TET3: variants seen among roughly 807,000 people sequenced by gnomAD.
TET3 encodes tet methylcytosine dioxygenase 3, also known as methylcytosine dioxygenase TET3.
A neutral mutation model predicts 141.4 loss-of-function variants in TET3; 19 were observed. The observed-to-expected ratio is 0.13, with a 90% CI of 0.09 to 0.20. The LOEUF is 0.20. TET3 is among the 10% of genes least tolerant of loss of function. The probability of loss-of-function intolerance (pLI) is 1.00; values close to 1 mark genes in which losing one functional copy is unlikely to be tolerated. For missense variants in TET3, 1,874 were observed against 2,356.9 expected (o/e 0.80, Z 4.24); for synonymous variants, 1,043 against 980.9 (o/e 1.06, Z -1.18).
At chr2:73,995,630 T>C (rs540762952) in intron 2 of TET3, among the ~76,000 whole-genome samples, 1 of 152,326 alleles carries the variant, frequency 6.6e-6, no homozygotes, top group Non-Finnish European at 1.5e-5. Context: ...TTCAAATGCT[T>C]ATTAGCCACA....
At chr2:74,123,800 G>A in the TET3 span, among the ~76,000 whole-genome samples, 52 of 151,024 alleles carry the variant, frequency 3.4e-4, 1 homozygote, top group South Asian at 7.6e-3. Flanking sequence ...CCGCCATCCC[G>A]TCTAGGAAGT....
intron 2 of TET3, among the ~76,000 whole-genome samples, chr2:73,992,470 C>T (rs1054049580): frequency 2.6e-5 from 4 of 151,982 alleles, no homozygotes; most frequent in African/African-American, 4.8e-5. Flanking sequence ...TGTGCCATCA[C>T]GCCTGGCTAA....
At chr2:74,108,653 T>TGGA (rs1008437896), downstream of TET3, among the ~76,000 whole-genome samples, 2 of 152,228 alleles carry the variant, frequency 1.3e-5, no homozygotes, top group Non-Finnish European at 2.9e-5. Context: ...ATCCCATGCC[T>TGGA]GGAGCTACCT....
rs1278594969 is a variant in TET3, at chr2:74,047,831, G to A, written c.1914G>A (p.Gln638=). Residue 638 remains glutamine (Q), a synonymous_variant, in exon 4 of 12, where the codon CAG becomes CAA. Coordinates refer to ENST00000409262, the MANE Select transcript of TET3 (RefSeq NM_001287491.2). ...VLEGLRSPAS[Q]EVQAHPPAPL... is the part of the protein sequence containing the mutation. The stretch of plus-strand genomic sequence containing the variant: ...AAGGGCTTAGGTCCCCAGCCTCCCA[G>A]GAAGTGCAGGCTCATCCACCGGCCC... 1 of 1,613,122 alleles carries A rather than the reference G, an allele frequency of 6.2e-7. No individual in the cohort carries two copies. Among genetic ancestry groups the A allele is most frequent in the Non-Finnish European group, 8.5e-7 (1 of 1,179,522 alleles).
chr2:74,071,718 C>T (rs1689213163), intron 4 of TET3, among the ~76,000 whole-genome samples: 1 of 152,166 alleles, frequency 6.6e-6, no homozygotes. Flanking sequence ...ATTGTCATGT[C>T]TTCTTAGATA....
At chr2:74,005,323 G>A (rs1685097926) in intron 3 of TET3, among the ~76,000 whole-genome samples, 1 of 152,190 alleles carries the variant, frequency 6.6e-6, no homozygotes. Flanking sequence ...GGCCTGAGCT[G>A]GCTGAGTTTT....
intron 4 of TET3, among the ~76,000 whole-genome samples, chr2:74,059,848 T>G (rs1688409113): frequency 6.6e-6 from 1 of 152,184 alleles, no homozygotes; most frequent in South Asian, 2.1e-4. Context: ...GTATGTACAT[T>G]TGTTATCTGC....
In TET3 at chr2:74,100,667, C is replaced by T. The variant is rs565150530; in HGVS notation, c.3879C>T (p.Asn1293=). The change falls in exon 12 of 12, where the codon AAC becomes AAT. Residue 1293 remains asparagine, a synonymous_variant. Coordinates refer to ENST00000409262, the MANE Select transcript of TET3 (RefSeq NM_001287491.2). ...SFSYYGFPSS[N]PVFPSQFLGP... ...GCTACTATGGCTTTCCATCCAGCAACCCCGTCTTCCCCTCTCAGTTCCTGG... is the reference window on the plus strand; with the variant it reads ...GCTACTATGGCTTTCCATCCAGCAATCCCGTCTTCCCCTCTCAGTTCCTGG... 19 of 1,614,080 alleles carry T rather than the reference C, an allele frequency of 1.2e-5. No individual in the cohort carries two copies. The South Asian group carries it at 2.1e-4, about 18-fold the overall frequency.
rs755005685 is a variant in TET3 at position 74,087,820 on chromosome 2, G to A, written c.2680-10G>A. 83 of 1,544,234 alleles carry A rather than the reference G, an allele frequency of 5.4e-5. 1 individual carries two copies. The highest frequency in any genetic ancestry group is 3.4e-4 in the Middle Eastern group (2 of 5,908). On this transcript the variant is annotated splice_polypyrimidine_tract_variant and intron_variant, in intron 6 of 11. Transcript: ENST00000409262. This position sits in a 1 kb window ranked among gnomAD's most constrained non-coding sequence, Gnocchi z 4.3. ...CTGGCTCCTGCCCCTCACACCCTGC[G>A]TCCCTGCAGGTGATCCGCAGGCACA... is the stretch of plus-strand genomic sequence containing the variant.
chr2:74,133,102 C>G, the TET3 span, among the ~76,000 whole-genome samples: 1 of 134,184 alleles, frequency 7.5e-6, no homozygotes, highest in Non-Finnish European at 1.6e-5. Context: ...TTAGTTGAGA[C>G]AAGGTTTCAC....
In TET3 at chr2:73,986,621, C is replaced by T; in HGVS notation, c.218C>T (p.Thr73Ile). 1 of 1,232,156 alleles carries T rather than the reference C, an allele frequency of 8.1e-7. No homozygotes were observed. The highest frequency in any genetic ancestry group is 3.2e-5 in the East Asian group (1 of 31,708). 76.3% of individuals were successfully genotyped at this position (1,232,156 alleles called of 1,614,324 possible). A position where few individuals can be genotyped will look rare whatever the true frequency, so the allele number is the denominator to read the frequency against. ...CRRLENCGAC[T>I]SCTNRRTHQI... ...CGGCTGGAAAACTGTGGCGCTTGCACTAGCTGTACCAACCGCCGCACGCAC... is the reference window on the plus strand; with the variant it reads ...CGGCTGGAAAACTGTGGCGCTTGCATTAGCTGTACCAACCGCCGCACGCAC... Residue 73 changes from threonine to isoleucine, a missense_variant, in exon 2 of 12, where the codon ACT becomes ATT. Coordinates refer to ENST00000409262, the MANE Select transcript of TET3 (RefSeq NM_001287491.2).
rs766513966 is a variant in TET3, at chr2:74,081,734, C to T, written c.2679+1143C>T. 2.6e-4 allele frequency among the ~76,000 whole-genome samples: 40 copies of T among 152,282 alleles called. 1 individual carries two copies. Among genetic ancestry groups the T allele is most frequent in the Admixed American group, 4.6e-4 (7 of 15,300 alleles). ...GACATATGCTACAACATGTGTAGGA[C>T]GTATGTGCCTGTTTTTACCTGGTAT... On this transcript the variant is annotated intron_variant, in intron 6 of 11. Coordinates refer to ENST00000409262, the MANE Select transcript of TET3 (RefSeq NM_001287491.2).
Position 74,093,659 on chromosome 2 carries a change from G to A in TET3, c.3260G>A (p.Cys1087Tyr). The A allele has an allele frequency of 6.2e-7, 1 of 1,609,454 alleles. No homozygotes were observed. The change falls in exon 10 of 12, where the codon TGC becomes TAC. Residue 1087 changes from cysteine (C) to tyrosine (Y), a missense_variant. By Grantham distance (194) the Cys-to-Tyr change is radical. This residue lies in a region of TET3 where 53 missense variants were observed against 112.8 expected (regional missense o/e 0.47). Coordinates refer to ENST00000409262, the MANE Select transcript of TET3 (RefSeq NM_001287491.2). The surrounding 1 kb of genome is among the most constrained non-coding windows in gnomAD (Gnocchi z 4.2). ...GACCAGCATAACCTCTACAATGGGTGCACCGTGGTAAGCCTGTGCCCTGTC... is the reference window on the plus strand; with the variant it reads ...GACCAGCATAACCTCTACAATGGGTACACCGTGGTAAGCCTGTGCCCTGTC... ...HKDQHNLYNG[C>Y]TVVCTLTKED...
chr2:74,083,934 A>C (rs796109373), intron 6 of TET3, among the ~76,000 whole-genome samples: 27 of 152,248 alleles, frequency 1.8e-4, no homozygotes, highest in African/African-American at 6.3e-4. Context: ...CTAGTCACAG[A>C]GACCATGGCC....
At chr2:73,988,009 C>G (rs1360302615) in intron 2 of TET3, among the ~76,000 whole-genome samples, 1 of 152,222 alleles carries the variant, frequency 6.6e-6, no homozygotes, top group Non-Finnish European at 1.5e-5. Flanking sequence ...TTGTCCGTGC[C>G]TTGTGGAAGC....
At chr2:74,099,673 G>T (rs992903327) in intron 11 of TET3, 61 bp downstream of exon 11, 2 of 1,432,586 alleles carry the variant, frequency 1.4e-6, no homozygotes, top group African/African-American at 2.9e-5. Context: ...GGGGGCCCCT[G>T]CTCTTCCACG....
intron 3 of TET3, among the ~76,000 whole-genome samples, chr2:74,033,100 C>G (rs1244833381): frequency 6.6e-6 from 1 of 152,228 alleles, no homozygotes; most frequent in East Asian, 1.9e-4. Context: ...TCCCTGACTG[C>G]TCCCTTCTCG....
At chr2:74,020,891 G>A (rs1309648407) in intron 3 of TET3, among the ~76,000 whole-genome samples, 6 of 152,160 alleles carry the variant, frequency 3.9e-5, no homozygotes, top group Non-Finnish European at 7.4e-5. Flanking sequence ...TTGCTTGACC[G>A]CAGCAGTAAG....
At chr2:74,110,405 C>T (rs181958790), downstream of TET3, among the ~76,000 whole-genome samples, 1 of 152,284 alleles carries the variant, frequency 6.6e-6, no homozygotes, top group East Asian at 1.9e-4. Flanking sequence ...GCTTGGAGAG[C>T]TGTTAGTCAT....
Sources: allele counts gnomAD v4.1 joint callset (sites outside exome capture counted in the v4.1 genomes callset), GRCh38; gene constraint gnomAD v4.1.1; regional missense constraint gnomAD v4.1.1; non-coding constraint Gnocchi (gnomAD v3.1); transcripts MANE v1.5; gene names NCBI Gene and HGNC (gene_info 2026-07-23, HGNC 2026-07-21).